The following KCNMA1 variants were observed in gnomAD, a reference collection of about 807,000 sequenced individuals.
KCNMA1 encodes potassium calcium-activated channel subfamily M alpha 1, also known as Calcium-activated potassium channel subunit alpha-1.
KCNMA1 carries 29 observed loss-of-function variants against 140.0 expected under a neutral mutation model. That is an observed-to-expected ratio of 0.21 (90% CI 0.15 to 0.28). KCNMA1 has a LOEUF of 0.28. KCNMA1 is among the 10% of genes least tolerant of loss of function. KCNMA1 has a pLI of 1.00. For synonymous variants in KCNMA1, 612 were observed against 611.9 expected (o/e 1.00, Z 0.00); for missense variants, 880 against 1,602.2 (o/e 0.55, Z 7.70).
intron 3 of KCNMA1, among the ~76,000 whole-genome samples, chr10:77,235,588 T>G (rs763053413): frequency 3.9e-5 from 6 of 152,156 alleles, no homozygotes; most frequent in Non-Finnish European, 8.8e-5. Flanking sequence ...CTGTGCCTCA[T>G]TTTCCCCTTA....
At chr10:77,434,609 G>A (rs1467053053) in intron 1 of KCNMA1, among the ~76,000 whole-genome samples, 1 of 152,164 alleles carries the variant, frequency 6.6e-6, no homozygotes, top group Non-Finnish European at 1.5e-5. Flanking sequence ...CCCGAACCCA[G>A]AACACAGCTG....
intron 23 of KCNMA1, among the ~76,000 whole-genome samples, chr10:76,935,327 T>A (rs1196113788): frequency 1.3e-5 from 2 of 152,244 alleles, no homozygotes; most frequent in African/African-American, 4.8e-5. Flanking sequence ...GGTGCCCCCA[T>A]GACCCTTGAA....
intron 1 of KCNMA1, among the ~76,000 whole-genome samples, chr10:77,594,838 C>T (rs535892198): frequency 2.2e-4 from 33 of 152,274 alleles, no homozygotes; most frequent in African/African-American, 7.9e-4. Context: ...GATCCTGCTC[C>T]CTCTTTTTCT....
chr10:76,891,160 C>T (rs75895241), intron 26 of KCNMA1, among the ~76,000 whole-genome samples: 2,984 of 152,316 alleles, frequency 0.02, 107 homozygotes, highest in African/African-American at 0.068. Flanking sequence ...TGCTTCTCAC[C>T]TTGTGCAGAG....
At chr10:77,175,897 A>G (rs975015033) in intron 5 of KCNMA1, among the ~76,000 whole-genome samples, 8 of 152,220 alleles carry the variant, frequency 5.3e-5, no homozygotes, top group Non-Finnish European at 7.3e-5. Flanking sequence ...CTCTCTGGCC[A>G]AACCATACTA....
chr10:77,003,867 G>T (rs1414221767), intron 18 of KCNMA1, among the ~76,000 whole-genome samples: 1 of 152,164 alleles, frequency 6.6e-6, no homozygotes. Flanking sequence ...AAACAGATCA[G>T]AATGGGTGAT....
chr10:77,375,340 A>G (rs1407689483), intron 2 of KCNMA1, among the ~76,000 whole-genome samples: 2 of 152,176 alleles, frequency 1.3e-5, no homozygotes, highest in African/African-American at 4.8e-5. Context: ...GAATCCTGGC[A>G]TCTTTCCCAG....
chr10:77,414,756 C>G (rs1474082726), intron 1 of KCNMA1, among the ~76,000 whole-genome samples: 1 of 152,156 alleles, frequency 6.6e-6, no homozygotes, highest in Non-Finnish European at 1.5e-5. Context: ...TCCCAAAGTG[C>G]TGGGATTACA....
At chr10:77,143,017 A>G (rs566115790) in intron 5 of KCNMA1, among the ~76,000 whole-genome samples, 4 of 152,336 alleles carry the variant, frequency 2.6e-5, no homozygotes, top group Admixed American at 2.6e-4. Flanking sequence ...TAATACCAAT[A>G]TTACACAAAC....
intron 1 of KCNMA1, among the ~76,000 whole-genome samples, chr10:77,415,865 C>T (rs897701424): frequency 1.3e-5 from 2 of 152,208 alleles, no homozygotes; most frequent in Admixed American, 6.5e-5. Context: ...TGATGAAGGG[C>T]CTCTCCCAGG....
intron 5 of KCNMA1, among the ~76,000 whole-genome samples, chr10:77,170,275 G>T (rs899955986): frequency 6.6e-6 from 1 of 152,222 alleles, no homozygotes; most frequent in African/African-American, 2.4e-5. Context: ...CTCATGAGCA[G>T]GCTTGGGCCC....
chr10:77,194,843 A>G (rs552614987), intron 3 of KCNMA1, among the ~76,000 whole-genome samples: 2 of 152,288 alleles, frequency 1.3e-5, no homozygotes, highest in African/African-American at 4.8e-5. Flanking sequence ...ATCTGGAAAA[A>G]AAAATAATTA....
At chr10:77,171,388 TGTGTGTGTGTGC>T (rs752154637) in intron 5 of KCNMA1, among the ~76,000 whole-genome samples, 2,782 of 115,976 alleles carry the variant, frequency 0.024, 33 homozygotes, top group Middle Eastern at 0.035. Context: ...TACGTGTGCG[TGTGTGTGTGTGC>T]GTGTGTGTGT....
At chr10:76,927,547 T>C (rs1412398175) in intron 23 of KCNMA1, among the ~76,000 whole-genome samples, 1 of 152,252 alleles carries the variant, frequency 6.6e-6, no homozygotes, top group African/African-American at 2.4e-5. Flanking sequence ...AGACAATGGA[T>C]ATGCAGGATA....
chr10:76,997,239 G>A (rs532857800), intron 19 of KCNMA1, among the ~76,000 whole-genome samples: 14 of 152,280 alleles, frequency 9.2e-5, no homozygotes, highest in Middle Eastern at 3.4e-3. Flanking sequence ...CTTAACCATC[G>A]GAGTTGAATG....
At chr10:77,294,523 A>G (rs1464292392) in intron 2 of KCNMA1, among the ~76,000 whole-genome samples, 1 of 152,266 alleles carries the variant, frequency 6.6e-6, no homozygotes, top group Non-Finnish European at 1.5e-5. Context: ...AATGCCATTC[A>G]TAGGAGTTTA....
At chr10:76,930,103 G>A (rs1231978028) in intron 23 of KCNMA1, 1 of 152,026 alleles carries the variant, frequency 6.6e-6, no homozygotes, top group African/African-American at 2.4e-5. Context: ...CAAAAGCACA[G>A]GCAACAAAAG....
At chr10:77,477,406 C>T (rs141366316) in intron 1 of KCNMA1, among the ~76,000 whole-genome samples, 2 of 152,170 alleles carry the variant, frequency 1.3e-5, no homozygotes, top group East Asian at 3.8e-4. Flanking sequence ...ACCAAGGAAC[C>T]TTCTAGATGG....
intron 16 of KCNMA1, chr10:77,025,447 G>T (rs1303634345): frequency 3.1e-6 from 5 of 1,602,336 alleles, no homozygotes; most frequent in Non-Finnish European, 4.3e-6. Flanking sequence ...AGTGCATACC[G>T]CTTTCGGCTT....
Sources: allele counts gnomAD v4.1 joint callset (sites outside exome capture counted in the v4.1 genomes callset), GRCh38; gene constraint gnomAD v4.1.1; transcripts MANE v1.5; gene names NCBI Gene and HGNC (gene_info 2026-07-23, HGNC 2026-07-21).